COX7B2: variants seen among roughly 807,000 people sequenced by gnomAD.
COX7B2 encodes the protein cytochrome c oxidase subunit 7B2, mitochondrial.
For missense variants in COX7B2, 109 were observed against 95.9 expected (o/e 1.14, Z -0.57); for synonymous variants, 37 against 32.1 (o/e 1.15, Z -0.51).
At chr4:46,760,200 T>C (rs918784342) in intron 2 of COX7B2, among the ~76,000 whole-genome samples, 4 of 152,130 alleles carry the variant, frequency 2.6e-5, no homozygotes, top group African/African-American at 9.7e-5. Flanking sequence ...AGCAATTCCA[T>C]TAGTGGATAT....
chr4:46,876,234 TG>T (rs1560432241), intron 1 of COX7B2, among the ~76,000 whole-genome samples: 1 of 152,118 alleles, frequency 6.6e-6, no homozygotes, highest in Non-Finnish European at 1.5e-5. Context: ...GAGACATGCA[TG>T]GGGCAAATCT....
chr4:46,840,479 G>A (rs1181865378), intron 2 of COX7B2, among the ~76,000 whole-genome samples: 2 of 151,840 alleles, frequency 1.3e-5, no homozygotes, highest in Non-Finnish European at 2.9e-5. Context: ...GTACATGAGT[G>A]CTGAGAGAGA....
At chr4:46,861,825 G>A (rs1273743797) in intron 1 of COX7B2, among the ~76,000 whole-genome samples, 1 of 152,078 alleles carries the variant, frequency 6.6e-6, no homozygotes, top group African/African-American at 2.4e-5. Context: ...TCCTAGAAAG[G>A]CCATTCCCCT....
intron 1 of COX7B2, among the ~76,000 whole-genome samples, chr4:46,883,590 T>C (rs961416070): frequency 6.6e-6 from 1 of 151,898 alleles, no homozygotes; most frequent in African/African-American, 2.4e-5. Flanking sequence ...ACAAAAAAAT[T>C]AGCCAGGCAT....
intron 2 of COX7B2, among the ~76,000 whole-genome samples, chr4:46,798,414 G>A (rs544812920): frequency 6.6e-6 from 1 of 152,312 alleles, no homozygotes; most frequent in African/African-American, 2.4e-5. Flanking sequence ...CTCTACAACA[G>A]GTTCAGGTGG....
At chr4:46,886,253 A>G (rs191571611) in intron 1 of COX7B2, among the ~76,000 whole-genome samples, 2 of 152,172 alleles carry the variant, frequency 1.3e-5, no homozygotes, top group African/African-American at 2.4e-5. Flanking sequence ...GAGACCATAA[A>G]AATGTATTTT....
intron 2 of COX7B2, among the ~76,000 whole-genome samples, chr4:46,764,248 A>G (rs1716388944): frequency 1.3e-5 from 2 of 152,208 alleles, no homozygotes; most frequent in Admixed American, 6.5e-5. Context: ...TAGAGATATA[A>G]GAAGAAAATA....
chr4:46,753,152 G>C (rs1024377089), intron 2 of COX7B2, among the ~76,000 whole-genome samples: 1 of 152,132 alleles, frequency 6.6e-6, no homozygotes, highest in South Asian at 2.1e-4. Context: ...TGGGGAGGAT[G>C]TATGTGTCGA....
intron 2 of COX7B2, among the ~76,000 whole-genome samples, chr4:46,751,705 T>C (rs1577660520): frequency 6.6e-6 from 1 of 151,942 alleles, no homozygotes; most frequent in South Asian, 2.1e-4. Flanking sequence ...GGGCAGAAAA[T>C]ACTTCATTGA....
chr4:46,783,889 T>C (rs1297844366), intron 2 of COX7B2, among the ~76,000 whole-genome samples: 2 of 152,208 alleles, frequency 1.3e-5, no homozygotes, highest in African/African-American at 4.8e-5. Context: ...TTATCAGCAC[T>C]CTGAATTTGG....
At chr4:46,756,590 G>A (rs1489713387) in intron 2 of COX7B2, among the ~76,000 whole-genome samples, 2 of 151,768 alleles carry the variant, frequency 1.3e-5, no homozygotes, top group East Asian at 3.9e-4. Context: ...AAGAACTCAA[G>A]CAACTCAACA....
At chr4:46,801,173 A>G (rs1718636458) in intron 2 of COX7B2, among the ~76,000 whole-genome samples, 1 of 152,182 alleles carries the variant, frequency 6.6e-6, no homozygotes, top group South Asian at 2.1e-4. Flanking sequence ...TATGGAAAGC[A>G]GTTTCAAGAT....
intron 2 of COX7B2, among the ~76,000 whole-genome samples, chr4:46,785,250 G>A (rs945977731): frequency 2.0e-5 from 3 of 152,136 alleles, no homozygotes; most frequent in Middle Eastern, 3.4e-3. Context: ...AGAAAGGTAT[G>A]CCATCAATGA....
intron 2 of COX7B2, among the ~76,000 whole-genome samples, chr4:46,761,313 G>A (rs1716131422): frequency 6.6e-6 from 1 of 152,134 alleles, no homozygotes; most frequent in African/African-American, 2.4e-5. Flanking sequence ...CATCTGGAGT[G>A]CAATGTGGTT....
At chr4:46,804,779 C>T (rs1398865819) in intron 2 of COX7B2, among the ~76,000 whole-genome samples, 1 of 152,246 alleles carries the variant, frequency 6.6e-6, no homozygotes, top group Non-Finnish European at 1.5e-5. Flanking sequence ...CAGTGTATCC[C>T]CTACCGGGGC....
intron 2 of COX7B2, among the ~76,000 whole-genome samples, chr4:46,785,301 T>G (rs1317904446): frequency 2.0e-5 from 3 of 151,888 alleles, no homozygotes; most frequent in South Asian, 2.1e-4. Context: ...AATACAATAC[T>G]GCTTTCATTA....
At chr4:46,818,249 G>A (rs1719653364) in intron 2 of COX7B2, among the ~76,000 whole-genome samples, 1 of 152,158 alleles carries the variant, frequency 6.6e-6, no homozygotes, top group African/African-American at 2.4e-5. Flanking sequence ...AGCAGAAGGT[G>A]GGAAGGGTCA....
intron 2 of COX7B2, among the ~76,000 whole-genome samples, chr4:46,807,292 T>C (rs191272463): frequency 1.0e-3 from 157 of 152,108 alleles, no homozygotes; most frequent in African/African-American, 3.6e-3. Context: ...TTCATACCTG[T>C]TGGCCATTTA....
chr4:46,788,460 T>TA (rs1283773135), intron 2 of COX7B2, among the ~76,000 whole-genome samples: 4 of 152,236 alleles, frequency 2.6e-5, no homozygotes, highest in African/African-American at 4.8e-5. Context: ...ATTTCTCAGT[T>TA]AAAAAAATCT....
Sources: allele counts gnomAD v4.1 joint callset (sites outside exome capture counted in the v4.1 genomes callset), GRCh38; gene constraint gnomAD v4.1.1; transcripts MANE v1.5; gene names NCBI Gene and HGNC (gene_info 2026-07-23, HGNC 2026-07-21).